The following PSMC1 variants were observed in gnomAD, a reference collection of about 807,000 sequenced individuals.
PSMC1 encodes proteasome 26S subunit, ATPase 1.
PSMC1 carries 5 observed loss-of-function variants against 49.8 expected under a neutral mutation model. The observed-to-expected ratio is 0.10, with a 90% CI of 0.05 to 0.21. The LOEUF (loss-of-function observed/expected upper bound fraction) is 0.21, where lower values mean the gene tolerates loss of function less well. Among genes scored for constraint, PSMC1 ranks in the 10% least tolerant of loss-of-function variants. PSMC1 has a pLI of 1.00. For synonymous variants in PSMC1, 155 were observed against 192.1 expected (o/e 0.81, Z 1.60); for missense variants, 181 against 535.7 (o/e 0.34, Z 6.54).
intron 2 of PSMC1, among the ~76,000 whole-genome samples, chr14:90,259,612 G>A (rs1891357523): frequency 6.8e-6 from 1 of 146,346 alleles, no homozygotes; most frequent in Non-Finnish European, 1.5e-5. Context: ...ATGGTAAAAC[G>A]ATTACATTTA....
intron 9 of PSMC1, 35 bp from the exon 10 acceptor site, chr14:90,270,163 T>C: frequency 6.2e-7 from 1 of 1,607,580 alleles, no homozygotes; most frequent in Non-Finnish European, 8.5e-7. Context: ...TGGGTTTGGA[T>C]GTTGGTGTGA....
At position 90,263,716 on chromosome 14, in the gene PSMC1, T is replaced by C. The variant is rs1339524869; in HGVS notation, c.334T>C (p.Leu112=). The C allele has an allele frequency of 6.2e-7, 1 of 1,613,348 alleles. No homozygotes were observed. The highest frequency in any genetic ancestry group is 2.2e-5 in the East Asian group (1 of 44,884). ...GGGGACCCCGATGTCAGTAGGAACC[T>C]TGGAAGAGATCATTGATGACAATCA... is the stretch of plus-strand genomic sequence containing the variant. ...LRGTPMSVGT[L]EEIIDDNHAI... The change falls in exon 5 of 11, where the codon TTG becomes CTG. Residue 112 remains leucine, a synonymous_variant. Coordinates refer to ENST00000261303, the MANE Select transcript of PSMC1 (RefSeq NM_002802.3).
intron 4 of PSMC1, 54 bp downstream of exon 4, chr14:90,263,496 T>C (rs1891442265): frequency 6.6e-7 from 1 of 1,508,658 alleles, no homozygotes; most frequent in Non-Finnish European, 9.0e-7. Context: ...TTCTATAAAA[T>C]TGTCAACAAA....
intron 7 of PSMC1, among the ~76,000 whole-genome samples, chr14:90,266,117 T>G (rs1466612458): frequency 6.6e-6 from 1 of 151,950 alleles, no homozygotes; most frequent in East Asian, 1.9e-4. Flanking sequence ...TAGCCAGGTG[T>G]GGTGACACAC....
At position 90,273,930 on chromosome 14, in the gene PSMC1, T is replaced by C. The variant is rs6575121; in HGVS notation, c.*1523T>C. On this transcript the variant is annotated 3_prime_UTR_variant, in exon 11 of 11. Coordinates refer to ENST00000261303, the MANE Select transcript of PSMC1 (RefSeq NM_002802.3). ...ATTCTTATGGATCCTTGTGATTGCA[T>C]TGGACCCATGCAGATGATCCAGGAT... The C allele has an allele frequency of 0.16, 25,297 of 154,890 alleles. 2,746 individuals are homozygous for C. Among genetic ancestry groups the C allele is most frequent in the African/African-American group, 0.3 (12,357 of 41,604 alleles). The allele number at this position is 154,890 out of a possible 1,614,324, so 9.6% of individuals were successfully genotyped here. A position where few individuals can be genotyped will look rare whatever the true frequency, so the allele number is the denominator to read the frequency against.
intron 8 of PSMC1, 184 bp downstream of exon 8, chr14:90,268,597 C>T (rs529298421): frequency 1.8e-5 from 11 of 605,386 alleles, no homozygotes; most frequent in Non-Finnish European, 2.6e-5. Context: ...TAACTGTGAA[C>T]GTCTGGAGAG....
Position 90,268,070 on chromosome 14 carries a change from G to A in PSMC1, c.692-154G>A, listed in dbSNP as rs75175021. The A allele has an allele frequency of 7.2e-4, 427 of 593,424 alleles. 1 individual carries two copies. Among genetic ancestry groups the A allele is most frequent in the African/African-American group, 5.2e-3 (276 of 53,544 alleles). The allele number at this position is 593,424 out of a possible 1,614,324, so 36.8% of individuals were successfully genotyped here. On this transcript the variant is annotated intron_variant, in intron 7 of 10. Coordinates refer to ENST00000261303, the MANE Select transcript of PSMC1 (RefSeq NM_002802.3). The stretch of plus-strand genomic sequence containing the variant: ...TAAATGTCCTCTTATCTACTTAGGA[G>A]AATGGAATGTCGTGACACTTGAATT...
chr14:90,258,338 G>A (rs2139640643), intron 1 of PSMC1, among the ~76,000 whole-genome samples: 1 of 152,322 alleles, frequency 6.6e-6, no homozygotes, highest in Non-Finnish European at 1.5e-5. Context: ...ATTTAAGACT[G>A]AGAAACATGT....
intron 7 of PSMC1, among the ~76,000 whole-genome samples, chr14:90,267,321 A>G (rs981931582): frequency 1.2e-4 from 18 of 151,572 alleles, no homozygotes; most frequent in African/African-American, 4.4e-4. Flanking sequence ...GCTGGCTAAT[A>G]TTGTAACTTT....
intron 3 of PSMC1, among the ~76,000 whole-genome samples, chr14:90,261,846 T>TG: frequency 6.7e-6 from 1 of 149,698 alleles, no homozygotes; most frequent in Non-Finnish European, 1.5e-5. Context: ...TAAAGACCCA[T>TG]GCACATGTAT....
intron 5 of PSMC1, 47 bp from the exon 6 acceptor site, chr14:90,263,994 C>G (rs1309940348): frequency 5.7e-6 from 9 of 1,586,562 alleles, no homozygotes; most frequent in Middle Eastern, 1.7e-4. Context: ...GTAAACAGAT[C>G]CAGCAAACCT....
At chr14:90,264,258 T>C in intron 6 of PSMC1, 89 bp downstream of exon 6, 1 of 1,550,552 alleles carries the variant, frequency 6.4e-7, no homozygotes, top group Non-Finnish European at 8.7e-7. Flanking sequence ...GTATGTTTGC[T>C]TATTTATTAA....
intron 9 of PSMC1, 76 bp downstream of exon 9, chr14:90,269,624 A>C: frequency 6.7e-7 from 1 of 1,492,878 alleles, no homozygotes; most frequent in Non-Finnish European, 9.1e-7. Context: ...TGGGAGGCCT[A>C]TAAAATGATA....
chr14:90,259,148 T>C lies in PSMC1; in HGVS notation c.4-12T>C. ...TCTGAATTTACATCTGTGCCTGATTTTTCTCCTCCAGGGTCAAAGTCAGAG... is the reference window on the plus strand; with the variant it reads ...TCTGAATTTACATCTGTGCCTGATTCTTCTCCTCCAGGGTCAAAGTCAGAG... On this transcript the variant is annotated splice_polypyrimidine_tract_variant and intron_variant, in intron 1 of 10. Transcript: ENST00000261303. The C allele has an allele frequency of 6.2e-7, 1 of 1,613,592 alleles. No homozygotes were observed. The highest frequency in any genetic ancestry group is 1.3e-5 in the African/African-American group (1 of 75,050).
At chr14:90,256,628 G>A (rs754656219) in intron 1 of PSMC1, 28 bp downstream of exon 1, 3 of 1,582,936 alleles carry the variant, frequency 1.9e-6, no homozygotes, top group Non-Finnish European at 2.6e-6. Flanking sequence ...TCTTTCCGCT[G>A]GTCGTCGCGG....
In PSMC1 at chr14:90,269,642, A is replaced by G. The variant is rs531187440; in HGVS notation, c.1033+94A>G. On this transcript the variant is annotated intron_variant, in intron 9 of 10. Coordinates refer to ENST00000261303, the MANE Select transcript of PSMC1 (RefSeq NM_002802.3). ...GAGGCCTATAAAATGATACATAAAA[A>G]AGCAAATACTGCAGTGAAACTTAGG... The G allele has an allele frequency of 9.3e-4, 1,265 of 1,364,690 alleles. 3 individuals are homozygous for G. Among genetic ancestry groups the G allele is most frequent in the South Asian group, 1.2e-3 (86 of 72,762 alleles). The allele number at this position is 1,364,690 out of a possible 1,614,324, so 84.5% of individuals were successfully genotyped here. A position where few individuals can be genotyped will look rare whatever the true frequency, so the allele number is the denominator to read the frequency against.
intron 1 of PSMC1, 51 bp downstream of exon 1, chr14:90,256,651 T>A: frequency 6.4e-7 from 1 of 1,572,614 alleles, no homozygotes; most frequent in Non-Finnish European, 8.6e-7. Context: ...CGATGGGGTC[T>A]CAGCAGCCTG....
intron 3 of PSMC1, 116 bp from the exon 4 acceptor site, chr14:90,263,200 CTG>C: frequency 9.3e-7 from 1 of 1,079,098 alleles, no homozygotes; most frequent in Non-Finnish European, 1.3e-6. Context: ...AGTTACCAAA[CTG>C]AATTTTTCTG....
intron 2 of PSMC1, 132 bp downstream of exon 2, chr14:90,259,345 C>A: frequency 1.4e-6 from 1 of 694,074 alleles, no homozygotes; most frequent in Non-Finnish European, 2.3e-6. Context: ...ACTAGCCTGT[C>A]CTACAGATAC....
Sources: gnomAD v4.1 joint callset for allele counts (sites outside exome capture counted in the v4.1 genomes callset) on GRCh38, gnomAD v4.1.1 for gene constraint, MANE v1.5 for transcripts, NCBI Gene and HGNC (gene_info 2026-07-23, HGNC 2026-07-21) for gene names.